PCDHGA2: variants seen among roughly 807,000 people sequenced by gnomAD.
PCDHGA2 encodes the protein protocadherin gamma subfamily A, 2.
PCDHGA2 carries 40 observed loss-of-function variants against 59.2 expected under a neutral mutation model. The ratio of observed to expected loss-of-function variants is 0.68; its 90% CI spans 0.52 to 0.88. The LOEUF (loss-of-function observed/expected upper bound fraction) is 0.88. PCDHGA2 is among the 40% of genes least tolerant of loss of function. PCDHGA2 has a pLI of 0.00. For missense variants in PCDHGA2, 1,226 were observed against 1,204.0 expected (o/e 1.02, Z -0.27); for synonymous variants, 560 against 526.0 (o/e 1.06, Z -0.89).
In PCDHGA2 at chr5:141,476,651, T is replaced by C. The variant is rs1355056895; in HGVS notation, c.2425-18156T>C. On this transcript the variant is annotated intron_variant, in intron 1 of 3. Coordinates refer to ENST00000394576, the MANE Select transcript of PCDHGA2 (RefSeq NM_018915.4). This position sits in a 1 kb window ranked among gnomAD's most constrained non-coding sequence, Gnocchi z 7.6. ...AACCTATGAGCTGAGCCGAAATGAA[T>C]ACTTTGCGCTTCGCGTGCAGACGCG... is the stretch of plus-strand genomic sequence containing the variant. The C allele has an allele frequency of 3.7e-6, 6 of 1,614,118 alleles. No individual in the cohort carries two copies. Among genetic ancestry groups the C allele is most frequent in the Non-Finnish European group, 5.1e-6 (6 of 1,180,050 alleles).
At chr5:141,492,461 G>A (rs1218833302) in intron 1 of PCDHGA2, among the ~76,000 whole-genome samples, 1 of 152,212 alleles carries the variant, frequency 6.6e-6, no homozygotes, top group East Asian at 1.9e-4. Flanking sequence ...CGCGCCTGAG[G>A]GTCCCAGATC....
chr5:141,356,280 T>G (rs754910661), intron 1 of PCDHGA2: 15 of 1,558,302 alleles, frequency 9.6e-6, no homozygotes, highest in South Asian at 5.9e-5. Flanking sequence ...AGGAATCTTC[T>G]TCCCCGGGTA....
At chr5:141,381,443 C>T (rs1777196570) in intron 1 of PCDHGA2, among the ~76,000 whole-genome samples, 1 of 152,224 alleles carries the variant, frequency 6.6e-6, no homozygotes, top group Admixed American at 6.5e-5. Flanking sequence ...CCTGTCAGGA[C>T]AGTCCTGCAT....
intron 1 of PCDHGA2, chr5:141,421,504 C>A (rs757410882): frequency 1.2e-6 from 2 of 1,614,062 alleles, no homozygotes; most frequent in Admixed American, 1.7e-5. Context: ...CAGGATAGAC[C>A]GGGAGGAGCT....
chr5:141,351,920 A>T, intron 1 of PCDHGA2: 1 of 1,613,316 alleles, frequency 6.2e-7, no homozygotes, highest in Non-Finnish European at 8.5e-7. Flanking sequence ...CCTCAATGAC[A>T]ATGCGCCACG....
intron 1 of PCDHGA2, chr5:141,389,959 T>C (rs764607245): frequency 6.2e-7 from 1 of 1,614,058 alleles, no homozygotes; most frequent in Non-Finnish European, 8.5e-7. Flanking sequence ...TACCTAGTGG[T>C]GGCCTTGGCC....
chr5:141,488,113 T>C (rs1053996929), intron 1 of PCDHGA2, among the ~76,000 whole-genome samples: 1 of 152,084 alleles, frequency 6.6e-6, no homozygotes, highest in African/African-American at 2.4e-5. Flanking sequence ...ATTTGAAACA[T>C]AGAGACAGCA....
chr5:141,469,821 G>GTCAC (rs2099212195), intron 1 of PCDHGA2, among the ~76,000 whole-genome samples: 1 of 152,028 alleles, frequency 6.6e-6, no homozygotes, highest in African/African-American at 2.4e-5. Flanking sequence ...TAGAATGGAG[G>GTCAC]TCACATAAAA....
intron 1 of PCDHGA2, chr5:141,364,833 G>A (rs1165362537): frequency 3.1e-6 from 5 of 1,613,882 alleles, no homozygotes; most frequent in African/African-American, 2.7e-5. Flanking sequence ...AACTCTCTCC[G>A]GAGTTACCAG....
At chr5:141,371,090 C>T (rs764906419) in intron 1 of PCDHGA2, 1 of 1,613,820 alleles carries the variant, frequency 6.2e-7, no homozygotes, top group Admixed American at 1.7e-5. Flanking sequence ...GGGTAATTGT[C>T]GCAGATGCAA....
chr5:141,500,501 G>T (rs571735791), intron 2 of PCDHGA2, among the ~76,000 whole-genome samples: 6 of 152,176 alleles, frequency 3.9e-5, no homozygotes, highest in Non-Finnish European at 8.8e-5. Context: ...GAGCCACCGC[G>T]CCTGGCCGAG....
chr5:141,431,700 TC>T lies in PCDHGA2; in HGVS notation c.2425-63106del. On this transcript the variant is annotated intron_variant, in intron 1 of 3. Coordinates refer to ENST00000394576, the MANE Select transcript of PCDHGA2 (RefSeq NM_018915.4). The surrounding 1 kb of genome is among the most constrained non-coding windows in gnomAD (Gnocchi z 4.8). ...GAGTTGGACCACGAGGAGTCAGGAT[TC>T]TACCAGATGGAAGTGCAAGCAATGG... 6.2e-7 allele frequency: 1 copy of T among 1,614,218 alleles called. No individual in the cohort carries two copies.
At chr5:141,395,277 A>G (rs758440707) in intron 1 of PCDHGA2, 2 of 1,542,838 alleles carry the variant, frequency 1.3e-6, no homozygotes, top group East Asian at 2.3e-5. Flanking sequence ...TTCCAGATGA[A>G]TTTTATTTGG....
At chr5:141,405,472 T>G in intron 1 of PCDHGA2, 1 of 1,056,196 alleles carries the variant, frequency 9.5e-7, no homozygotes, top group Non-Finnish European at 1.4e-6. Context: ...CAGGCTGGAA[T>G]GCAGTGGTGT....
At chr5:141,360,333 G>T (rs759219766) in intron 1 of PCDHGA2, 1 of 1,613,972 alleles carries the variant, frequency 6.2e-7, no homozygotes, top group East Asian at 2.2e-5. Context: ...CCCGGAAGCT[G>T]CGGGTTAGCG....
chr5:141,510,252 G>A (rs1342841474), intron 3 of PCDHGA2, among the ~76,000 whole-genome samples: 4 of 148,432 alleles, frequency 2.7e-5, no homozygotes, highest in Admixed American at 1.3e-4. Context: ...CAGGCTGGGC[G>A]ACAGAGCAGG....
Position 141,432,035 on chromosome 5 carries a change from G to T in PCDHGA2, c.2425-62772G>T. 1 of 1,614,218 alleles carries T rather than the reference G, an allele frequency of 6.2e-7. No homozygotes were observed. The highest frequency in any genetic ancestry group is 1.1e-5 in the South Asian group (1 of 91,066). On this transcript the variant is annotated intron_variant, in intron 1 of 3. Transcript: ENST00000394576. The surrounding 1 kb of genome is among the most constrained non-coding windows in gnomAD (Gnocchi z 6.0). ...CTACAACATCACAGTGACCGCCACT[G>T]ACCGGGGAACCCCGCCCCTATCCAC... is the stretch of plus-strand genomic sequence containing the variant.
At chr5:141,348,386 T>C (rs1399095573) in intron 1 of PCDHGA2, among the ~76,000 whole-genome samples, 1 of 152,026 alleles carries the variant, frequency 6.6e-6, no homozygotes, top group Non-Finnish European at 1.5e-5. Context: ...TTGGGCAACA[T>C]AGCATGACCC....
At chr5:141,429,468 A>G (rs2097217267) in intron 1 of PCDHGA2, among the ~76,000 whole-genome samples, 1 of 152,048 alleles carries the variant, frequency 6.6e-6, no homozygotes, top group Admixed American at 6.6e-5. Flanking sequence ...TCCCACCTCA[A>G]TCTCCAGAGT....
Sources: allele counts gnomAD v4.1 joint callset (sites outside exome capture counted in the v4.1 genomes callset), GRCh38; gene constraint gnomAD v4.1.1; non-coding constraint Gnocchi (gnomAD v3.1); transcripts MANE v1.5; gene names NCBI Gene and HGNC (gene_info 2026-07-23, HGNC 2026-07-21).